LYPLAL1: variants seen among roughly 807,000 people sequenced by gnomAD.
LYPLAL1 encodes lysophospholipase-like protein 1.
A neutral mutation model predicts 19.7 loss-of-function variants in LYPLAL1; 23 were observed. The ratio of observed to expected loss-of-function variants is 1.17; its 90% CI spans 0.84 to 1.65. The LOEUF (loss-of-function observed/expected upper bound fraction) is 1.65. Among genes scored for constraint, LYPLAL1 ranks in the 40% most tolerant of loss-of-function variants. The probability of loss-of-function intolerance (pLI) is 0.00; values close to 1 mark genes in which losing one functional copy is unlikely to be tolerated. For synonymous variants in LYPLAL1, 119 were observed against 96.3 expected (o/e 1.24, Z -1.38); for missense variants, 355 against 279.4 (o/e 1.27, Z -1.93).
At chr1:219,174,148 C>T (rs1655605626) in intron 1 of LYPLAL1, 167 bp downstream of exon 1, 1 of 1,441,558 alleles carries the variant, frequency 6.9e-7, no homozygotes, top group African/African-American at 1.4e-5. Flanking sequence ...GCCACCTGCC[C>T]CCAGCCTCCC....
chr1:219,352,334 C>T, the LYPLAL1 span, among the ~76,000 whole-genome samples: 1 of 152,026 alleles, frequency 6.6e-6, no homozygotes, highest in Non-Finnish European at 1.5e-5. Flanking sequence ...ATCGAGACCA[C>T]GGTGAAACCC....
At chr1:219,209,777 A>G (rs900162810) in intron 3 of LYPLAL1, among the ~76,000 whole-genome samples, 1 of 152,070 alleles carries the variant, frequency 6.6e-6, no homozygotes. Flanking sequence ...GTCACCTCAT[A>G]ACAGCTATCT....
At chr1:219,264,722 C>G in the LYPLAL1 span, among the ~76,000 whole-genome samples, 11 of 152,288 alleles carry the variant, frequency 7.2e-5, no homozygotes, top group Non-Finnish European at 1.2e-4. Flanking sequence ...TCAATGCCTC[C>G]CACTGTTTTC....
At chr1:219,334,214 T>G in the LYPLAL1 span, among the ~76,000 whole-genome samples, 1 of 151,998 alleles carries the variant, frequency 6.6e-6, no homozygotes. Flanking sequence ...ATATCAACCT[T>G]GTGACTTTGA....
chr1:219,274,960 A>G, the LYPLAL1 span, among the ~76,000 whole-genome samples: 3 of 152,160 alleles, frequency 2.0e-5, no homozygotes, highest in African/African-American at 7.2e-5. Context: ...AGTATCACCC[A>G]ATCAATACGA....
At chr1:219,428,086 C>G in the LYPLAL1 span, among the ~76,000 whole-genome samples, 2 of 152,184 alleles carry the variant, frequency 1.3e-5, no homozygotes, top group African/African-American at 2.4e-5. Context: ...CATCTGATGA[C>G]AGTCAAACTG....
chr1:219,227,411 A>G, the LYPLAL1 span, among the ~76,000 whole-genome samples: 18 of 152,146 alleles, frequency 1.2e-4, no homozygotes, highest in African/African-American at 4.3e-4. Context: ...TATGAAATCA[A>G]TTTGGGCTTC....
the LYPLAL1 span, among the ~76,000 whole-genome samples, chr1:219,282,676 C>A: frequency 2.6e-5 from 4 of 151,980 alleles, no homozygotes; most frequent in Non-Finnish European, 5.9e-5. Context: ...TGGAACAAAG[C>A]GTGAAAAATT....
the LYPLAL1 span, among the ~76,000 whole-genome samples, chr1:219,266,559 G>C: frequency 6.6e-6 from 1 of 151,898 alleles, no homozygotes; most frequent in African/African-American, 2.4e-5. Context: ...AAAAAGTATA[G>C]TGATAGTAAA....
the LYPLAL1 span, among the ~76,000 whole-genome samples, chr1:219,249,719 T>C: frequency 1.3e-5 from 2 of 152,184 alleles, no homozygotes; most frequent in Admixed American, 1.3e-4. Flanking sequence ...CTATCTTTTC[T>C]CATTTTAGCA....
chr1:219,299,656 G>A, the LYPLAL1 span, among the ~76,000 whole-genome samples: 6 of 152,178 alleles, frequency 3.9e-5, no homozygotes, highest in Admixed American at 6.5e-5. Flanking sequence ...CTGTAAAGTT[G>A]GTTCTCTTCC....
intron 3 of LYPLAL1, among the ~76,000 whole-genome samples, chr1:219,206,472 C>T (rs2125106105): frequency 6.6e-6 from 1 of 152,126 alleles, no homozygotes; most frequent in Admixed American, 6.5e-5. Flanking sequence ...CACAAAGTCC[C>T]TTTTCACAGT....
At chr1:219,181,535 C>T (rs1334865042) in intron 2 of LYPLAL1, among the ~76,000 whole-genome samples, 1 of 152,100 alleles carries the variant, frequency 6.6e-6, no homozygotes, top group Non-Finnish European at 1.5e-5. Flanking sequence ...GAAAATGAAA[C>T]TGGCATAAAC....
At chr1:219,417,970 T>A in the LYPLAL1 span, among the ~76,000 whole-genome samples, 1 of 152,264 alleles carries the variant, frequency 6.6e-6, no homozygotes, top group Non-Finnish European at 1.5e-5. Flanking sequence ...CTCTTGGATA[T>A]TCTTCCTTAA....
At chr1:219,304,830 T>A in the LYPLAL1 span, among the ~76,000 whole-genome samples, 1 of 152,160 alleles carries the variant, frequency 6.6e-6, no homozygotes, top group Non-Finnish European at 1.5e-5. Context: ...CTACACAAGG[T>A]CATAGCACAA....
chr1:219,402,253 A>T, the LYPLAL1 span, among the ~76,000 whole-genome samples: 1 of 152,160 alleles, frequency 6.6e-6, no homozygotes, highest in African/African-American at 2.4e-5. Flanking sequence ...ATCATTTTTA[A>T]AATTTTTCCT....
At chr1:219,207,257 T>A (rs1658650048) in intron 3 of LYPLAL1, among the ~76,000 whole-genome samples, 1 of 152,100 alleles carries the variant, frequency 6.6e-6, no homozygotes, top group Admixed American at 6.5e-5. Context: ...TTACCCATTT[T>A]ACTTAATTTT....
At chr1:219,430,373 A>T in the LYPLAL1 span, among the ~76,000 whole-genome samples, 1 of 146,602 alleles carries the variant, frequency 6.8e-6, no homozygotes, top group Non-Finnish European at 1.5e-5. Context: ...TGATGCTTTG[A>T]GAGGTTACTT....
At chr1:219,218,825 A>G in the LYPLAL1 span, among the ~76,000 whole-genome samples, 2 of 152,166 alleles carry the variant, frequency 1.3e-5, no homozygotes, top group Non-Finnish European at 2.9e-5. Flanking sequence ...TAAGACAACC[A>G]TGAATAACAA....
Sources: allele counts gnomAD v4.1 joint callset (sites outside exome capture counted in the v4.1 genomes callset), GRCh38; gene constraint gnomAD v4.1.1; transcripts MANE v1.5; gene names NCBI Gene and HGNC (gene_info 2026-07-23, HGNC 2026-07-21).